MYH10: variants seen among roughly 807,000 people sequenced by gnomAD.
MYH10 encodes the protein myosin-10.
Under a neutral mutation model 257.8 loss-of-function variants are expected in MYH10, and 55 were observed. That is an observed-to-expected ratio of 0.21 (90% CI 0.17 to 0.27). The LOEUF (loss-of-function observed/expected upper bound fraction) is 0.27. Among genes scored for constraint, MYH10 ranks in the 10% least tolerant of loss-of-function variants. MYH10 has a pLI of 1.00. For missense variants in MYH10, 1,631 were observed against 2,500.6 expected (o/e 0.65, Z 7.42); for synonymous variants, 854 against 921.7 (o/e 0.93, Z 1.33).
At chr17:8,533,563 G>C (rs1214927522) in intron 16 of MYH10, among the ~76,000 whole-genome samples, 1 of 152,196 alleles carries the variant, frequency 6.6e-6, no homozygotes, top group Admixed American at 6.5e-5. Context: ...ATAAATTAGT[G>C]CTGAAAACAC....
intron 24 of MYH10, chr17:8,511,063 C>CATATATAT (rs1567823729): frequency 1.4e-5 from 1 of 71,138 alleles, no homozygotes; most frequent in African/African-American, 4.4e-5. Context: ...TATATATACA[C>CATATATAT]ACATACATAC....
chr17:8,600,477 T>C (rs2084548902), intron 3 of MYH10, among the ~76,000 whole-genome samples: 1 of 152,114 alleles, frequency 6.6e-6, no homozygotes. Context: ...ATCTGAAAAG[T>C]CAGTTAATTC....
chr17:8,579,790 T>G (rs1033747358), intron 4 of MYH10, among the ~76,000 whole-genome samples: 3 of 152,244 alleles, frequency 2.0e-5, no homozygotes, highest in African/African-American at 7.2e-5. Context: ...TATTATTAAA[T>G]CCATCTGTTG....
chr17:8,508,772 A>C, intron 25 of MYH10, 95 bp from the exon 26 acceptor site: 1 of 1,474,524 alleles, frequency 6.8e-7, no homozygotes, highest in Non-Finnish European at 9.3e-7. Flanking sequence ...CTCGAGAGAA[A>C]ATAAGTTCTA....
chr17:8,492,251 G>T, intron 34 of MYH10, 46 bp downstream of exon 34: 1 of 1,581,928 alleles, frequency 6.3e-7, no homozygotes, highest in South Asian at 1.1e-5. Flanking sequence ...CCAGGCCCCT[G>T]GGATACTCTC....
intron 7 of MYH10, among the ~76,000 whole-genome samples, chr17:8,557,826 T>A (rs987657146): frequency 2.0e-5 from 3 of 152,208 alleles, no homozygotes; most frequent in Admixed American, 6.5e-5. Flanking sequence ...CTAACACACG[T>A]GACAGTGAAA....
Position 8,603,189 on chromosome 17 carries a change from C to T in MYH10, c.502+1637G>A, listed in dbSNP as rs1407401144. Among the ~76,000 whole-genome samples, 4 of 152,184 alleles carry T rather than the reference C, an allele frequency of 2.6e-5. No homozygotes were observed. In the East Asian group the frequency reaches 7.7e-4, roughly 29 times the overall value. On this transcript the variant is annotated intron_variant, in intron 3 of 42. Coordinates refer to ENST00000360416, the MANE Select transcript of MYH10 (RefSeq NM_001256012.3). ...TCCTGTTTCTTTTCATCAAATGTAT[C>T]ATTATCCCTCCCAGTTTCATGCCAT... is the stretch of plus-strand genomic sequence containing the variant.
chr17:8,540,354 T>C (rs938642282), intron 14 of MYH10, among the ~76,000 whole-genome samples: 3 of 152,142 alleles, frequency 2.0e-5, no homozygotes, highest in Non-Finnish European at 4.4e-5. Flanking sequence ...TTAATTACTT[T>C]ACCCCATGAT....
intron 13 of MYH10, among the ~76,000 whole-genome samples, chr17:8,544,623 T>C (rs1204960711): frequency 1.6e-4 from 25 of 152,188 alleles, no homozygotes; most frequent in Non-Finnish European, 1.5e-5. Context: ...CAATACCCAA[T>C]AGTGGCTACA....
At chr17:8,517,613 C>T (rs1266960089) in intron 21 of MYH10, among the ~76,000 whole-genome samples, 1 of 152,248 alleles carries the variant, frequency 6.6e-6, no homozygotes, top group Non-Finnish European at 1.5e-5. Flanking sequence ...TCCACCACCA[C>T]CTTCTTGGGT....
Position 8,474,782 on chromosome 17 carries a change from C to T in MYH10, c.*1022G>A, listed in dbSNP as rs1049369493. 1.3e-5 allele frequency: 2 copies of T among 152,728 alleles called. No individual in the cohort carries two copies. The highest frequency in any genetic ancestry group is 2.9e-5 in the Non-Finnish European group (2 of 68,116). The allele number at this position is 152,728 out of a possible 1,614,324, so 9.5% of individuals were successfully genotyped here. A position where few individuals can be genotyped will look rare whatever the true frequency, so the allele number is the denominator to read the frequency against. On this transcript the variant is annotated 3_prime_UTR_variant, in exon 43 of 43. Coordinates refer to ENST00000360416, the MANE Select transcript of MYH10 (RefSeq NM_001256012.3). ...GGGAGAAGGAAAAATGAAGGAGTCA[C>T]ACCCACTGGCATGTCAACATTCAGG...
chr17:8,609,925 CTGTG>C (rs909985482), intron 2 of MYH10, among the ~76,000 whole-genome samples: 1 of 151,210 alleles, frequency 6.6e-6, no homozygotes, highest in African/African-American at 2.4e-5. Context: ...CTTGAGAAAA[CTGTG>C]TGTGTGGAGG....
intron 1 of MYH10, among the ~76,000 whole-genome samples, chr17:8,623,882 T>G (rs2085569967): frequency 6.6e-6 from 1 of 152,158 alleles, no homozygotes; most frequent in Non-Finnish European, 1.5e-5. Flanking sequence ...CAAGCATAAC[T>G]TGGCTTCACA....
At chr17:8,622,405 C>T (rs950473064) in intron 2 of MYH10, among the ~76,000 whole-genome samples, 1 of 152,238 alleles carries the variant, frequency 6.6e-6, no homozygotes, top group Non-Finnish European at 1.5e-5. Context: ...CAATCTTACC[C>T]TAATTGTTTC....
Position 8,558,645 on chromosome 17 carries a change from G to A in MYH10, c.757-4627C>T, listed in dbSNP as rs151116543. ...TTAATAGCTATTCGAGATAGCAACT[G>A]TAGGCACCCTTCTCTCTTCTGCCAG... On this transcript the variant is annotated intron_variant, in intron 7 of 42. Coordinates refer to ENST00000360416, the MANE Select transcript of MYH10 (RefSeq NM_001256012.3). 7.1e-3 allele frequency among the ~76,000 whole-genome samples: 1,078 copies of A among 152,328 alleles called. 18 individuals carry two copies. The highest frequency in any genetic ancestry group is 0.023 in the African/African-American group (976 of 41,584).
Position 8,487,527 on chromosome 17 carries a change from T to G in MYH10, c.4952A>C (p.Lys1651Thr). 1 of 1,614,224 alleles carries G rather than the reference T, an allele frequency of 6.2e-7. No individual in the cohort carries two copies. The highest frequency in any genetic ancestry group is 8.5e-7 in the Non-Finnish European group (1 of 1,180,034). Residue 1651 changes from lysine (K) to threonine (T), a missense_variant, in exon 36 of 43, where the codon AAA (lysine) becomes ACA (threonine). This residue lies in a region of MYH10 where 463 missense variants were observed against 621.8 expected (regional missense o/e 0.74). Coordinates refer to ENST00000360416, the MANE Select transcript of MYH10 (RefSeq NM_001256012.3). ...KQRALAVASK[K>T]KMEIDLKDLE... ...GTCCTTCAGGTCTATCTCCATCTTT[T>G]TCTTTGAAGCTACAGCAAGCGCCCG...
At chr17:8,630,237 A>G (rs1319267793) in intron 1 of MYH10, among the ~76,000 whole-genome samples, 1 of 149,124 alleles carries the variant, frequency 6.7e-6, no homozygotes. Flanking sequence ...CCGGGACACT[A>G]GCCCCTCGAC....
chr17:8,549,104 ACT>A (rs906689903), intron 9 of MYH10, among the ~76,000 whole-genome samples: 41 of 152,188 alleles, frequency 2.7e-4, no homozygotes, highest in African/African-American at 9.4e-4. Flanking sequence ...AGATGACAAA[ACT>A]CTATTGTTTT....
intron 6 of MYH10, among the ~76,000 whole-genome samples, chr17:8,572,525 G>A (rs2083384088): frequency 6.6e-6 from 1 of 152,114 alleles, no homozygotes; most frequent in Admixed American, 6.5e-5. Context: ...TAGCTCATCA[G>A]CTATCGTTAG....
Sources: gnomAD v4.1 joint callset for allele counts (sites outside exome capture counted in the v4.1 genomes callset) on GRCh38, gnomAD v4.1.1 for gene constraint, gnomAD v4.1.1 regional missense constraint, MANE v1.5 for transcripts, NCBI Gene and HGNC (gene_info 2026-07-23, HGNC 2026-07-21) for gene names.